PLAAT3: variants seen among roughly 807,000 people sequenced by gnomAD.
PLAAT3 encodes the protein Ca-independent phospholipase A1/2.
PLAAT3 carries 21 observed loss-of-function variants against 16.7 expected under a neutral mutation model. That is an observed-to-expected ratio of 1.26 (90% CI 0.89 to 1.81). The LOEUF is 1.81. PLAAT3 is among the 40% of genes most tolerant of loss of function. The pLI is 0.00. For synonymous variants in PLAAT3, 76 were observed against 81.7 expected (o/e 0.93, Z 0.38); for missense variants, 219 against 213.7 (o/e 1.02, Z -0.16).
rs775365894 is a variant in PLAAT3 at position 63,598,106 on chromosome 11, C to G, written c.73G>C (p.Ala25Pro). The part of the protein sequence containing the change: ...EIFRPFYRHW[A>P]IYVGDGYVVH... ...ACATATCCATCGCCAACATAGATGG[C>G]CCAGTGTCTGTAGAAAGGGCGAAAA... The change falls in exon 3 of 5, where the codon GCC (alanine) becomes CCC (proline). Residue 25 changes from alanine to proline, a missense_variant. Ala to Pro is a conservative substitution (Grantham distance 27). Transcript: ENST00000415826. 1.2e-6 allele frequency: 2 copies of G among 1,614,032 alleles called. No individual in the cohort carries two copies. The highest frequency in any genetic ancestry group is 1.1e-5 in the South Asian group (1 of 91,082).
At chr11:63,597,905 C>G (rs1019724658) in intron 3 of PLAAT3, among the ~76,000 whole-genome samples, 156 bp downstream of exon 3, 1 of 152,212 alleles carries the variant, frequency 6.6e-6, no homozygotes, top group Non-Finnish European at 1.5e-5. Flanking sequence ...GTGCCCCACA[C>G]CAAACTGCCC....
chr11:63,583,406 A>G (rs1937878349), intron 4 of PLAAT3, among the ~76,000 whole-genome samples: 1 of 152,230 alleles, frequency 6.6e-6, no homozygotes, highest in African/African-American at 2.4e-5. Context: ...AGTTCTTTAT[A>G]GAACCTCATG....
chr11:63,596,816 C>A (rs1467204336), intron 3 of PLAAT3, among the ~76,000 whole-genome samples: 1 of 152,076 alleles, frequency 6.6e-6, no homozygotes, highest in African/African-American at 2.4e-5. Flanking sequence ...GTGTGGCACT[C>A]CGGACATGGT....
At chr11:63,597,472 G>C (rs903077612) in intron 3 of PLAAT3, among the ~76,000 whole-genome samples, 9 of 152,202 alleles carry the variant, frequency 5.9e-5, no homozygotes, top group Non-Finnish European at 7.3e-5. Flanking sequence ...CTTGCAGTAA[G>C]CCGAGATTGC....
chr11:63,582,339 C>T (rs1160296401), intron 4 of PLAAT3, among the ~76,000 whole-genome samples: 1 of 152,106 alleles, frequency 6.6e-6, no homozygotes, highest in African/African-American at 2.4e-5. Flanking sequence ...AGGATGACAG[C>T]CATGCAATTG....
intron 4 of PLAAT3, among the ~76,000 whole-genome samples, chr11:63,581,648 T>C (rs553254310): frequency 1.2e-4 from 18 of 152,326 alleles, no homozygotes; most frequent in South Asian, 8.3e-4. Context: ...CTTTGAAGCA[T>C]GTGATCCTTG....
chr11:63,610,292 G>A (rs1455450984), intron 2 of PLAAT3, among the ~76,000 whole-genome samples: 1 of 152,146 alleles, frequency 6.6e-6, no homozygotes, highest in Admixed American at 6.5e-5. Context: ...TGCATCCCCT[G>A]ATGCCTCAGC....
chr11:63,615,184 A>ATATGTGTG (rs1565259839), upstream of PLAAT3, among the ~76,000 whole-genome samples: 2 of 9,534 alleles, frequency 2.1e-4, no homozygotes, highest in African/African-American at 4.0e-4. Context: ...ATATGTGTGT[A>ATATGTGTG]TATATATGTG....
At chr11:63,604,326 A>T (rs1205526607) in intron 2 of PLAAT3, among the ~76,000 whole-genome samples, 1 of 152,138 alleles carries the variant, frequency 6.6e-6, no homozygotes, top group African/African-American at 2.4e-5. Flanking sequence ...AATTACTTTG[A>T]CAATAAAAAT....
intron 3 of PLAAT3, among the ~76,000 whole-genome samples, chr11:63,595,403 T>G (rs1488157896): frequency 6.6e-6 from 1 of 151,796 alleles, no homozygotes. Context: ...CATATTCATA[T>G]AACAGAAAAT....
chr11:63,577,468 C>T (rs1565245422), intron 4 of PLAAT3, among the ~76,000 whole-genome samples: 1 of 152,114 alleles, frequency 6.6e-6, no homozygotes. Context: ...CCGCACCCAG[C>T]CAGGCAAGTG....
intron 4 of PLAAT3, among the ~76,000 whole-genome samples, chr11:63,578,099 TG>T (rs2134389940): frequency 6.6e-6 from 1 of 152,092 alleles, no homozygotes; most frequent in South Asian, 2.1e-4. Flanking sequence ...CCTGGCAACA[TG>T]GTGAAACCCC....
At chr11:63,600,617 GTT>G (rs1471615795) in intron 2 of PLAAT3, among the ~76,000 whole-genome samples, 49 of 149,114 alleles carry the variant, frequency 3.3e-4, no homozygotes, top group Admixed American at 6.1e-4. Flanking sequence ...GTTTTGTTTT[GTT>G]TGAGACAGAC....
rs969574034 is a variant in PLAAT3 at position 63,574,886 on chromosome 11, T to G, written c.*59A>C. ...TCCACAAACCAAACCCCAAACTCTC[T>G]AGCAAAACAAGACCCCCTTGATGTA... is the stretch of plus-strand genomic sequence containing the variant. On this transcript the variant is annotated 3_prime_UTR_variant, in exon 5 of 5. Transcript: ENST00000415826. 2.0e-6 allele frequency: 2 copies of G among 1,001,766 alleles called. No homozygotes were observed. Among genetic ancestry groups the G allele is most frequent in the African/African-American group, 3.2e-5 (2 of 62,940 alleles). 62.1% of individuals were successfully genotyped at this position (1,001,766 alleles called of 1,614,324 possible). A position where few individuals can be genotyped will look rare whatever the true frequency, so the allele number is the denominator to read the frequency against.
At chr11:63,593,794 G>C (rs1236987874) in intron 3 of PLAAT3, among the ~76,000 whole-genome samples, 1 of 152,166 alleles carries the variant, frequency 6.6e-6, no homozygotes, top group Non-Finnish European at 1.5e-5. Flanking sequence ...TGGCCAGGCT[G>C]GTCTCAAACT....
rs569917171 is a variant in PLAAT3, at chr11:63,603,758, A to G, written c.16-5595T>C. On this transcript the variant is annotated intron_variant, in intron 2 of 4. Coordinates refer to ENST00000415826, the MANE Select transcript of PLAAT3 (RefSeq NM_001128203.2). ...CACACACACACACACACACACAGAC[A>G]GAGATATTAGAGAGAGTAAGGTGAA... 1.0e-3 allele frequency among the ~76,000 whole-genome samples: 133 copies of G among 129,812 alleles called. 1 individual carries two copies. Among genetic ancestry groups the G allele is most frequent in the African/African-American group, 3.9e-3 (125 of 31,740 alleles). 85.2% of individuals were successfully genotyped at this position (129,812 alleles called of 152,430 possible). A position where few individuals can be genotyped will look rare whatever the true frequency, so the allele number is the denominator to read the frequency against.
At chr11:63,592,491 TAA>T (rs1205553224) in intron 3 of PLAAT3, among the ~76,000 whole-genome samples, 1 of 152,130 alleles carries the variant, frequency 6.6e-6, no homozygotes, top group Non-Finnish European at 1.5e-5. Flanking sequence ...TTCCTTCTTT[TAA>T]AAAGTGAGTC....
At chr11:63,615,398 GTGTGTATA>G (rs1290956267), upstream of PLAAT3, among the ~76,000 whole-genome samples, 3,181 of 22,234 alleles carry the variant, frequency 0.14, 36 homozygotes, top group Middle Eastern at 0.33. Flanking sequence ...GTGTATATAT[GTGTGTATA>G]TGTGTGTGTG....
chr11:63,584,058 T>C (rs1937894663), intron 4 of PLAAT3, among the ~76,000 whole-genome samples: 1 of 152,204 alleles, frequency 6.6e-6, no homozygotes, highest in Non-Finnish European at 1.5e-5. Flanking sequence ...GAAATAGTTG[T>C]ATATTTTCCA....
Sources: gnomAD v4.1 joint callset for allele counts (sites outside exome capture counted in the v4.1 genomes callset) on GRCh38, gnomAD v4.1.1 for gene constraint, MANE v1.5 for transcripts, NCBI Gene and HGNC (gene_info 2026-07-23, HGNC 2026-07-21) for gene names.